The following TPX2 variants were observed in gnomAD, a reference collection of about 807,000 sequenced individuals.
The protein encoded by TPX2 is TPX2 microtubule nucleation factor.
TPX2 carries 21 observed loss-of-function variants against 93.6 expected under a neutral mutation model. The ratio of observed to expected loss-of-function variants is 0.22; its 90% confidence interval spans 0.16 to 0.32. The LOEUF is 0.32. Ranked by LOEUF, TPX2 falls within the 10% of genes least tolerant of loss-of-function variation. The pLI, the probability that TPX2 is intolerant of heterozygous loss-of-function variation, is 1.00. For missense variants in TPX2, 776 were observed against 871.1 expected (o/e 0.89, Z 1.37); for synonymous variants, 281 against 298.3 (o/e 0.94, Z 0.60).
chr20:31,745,328 CTTTTT>C (rs11458149), intron 2 of TPX2, among the ~76,000 whole-genome samples: 2 of 123,254 alleles, frequency 1.6e-5, no homozygotes, highest in Non-Finnish European at 3.3e-5. Flanking sequence ...TAGGTAAACA[CTTTTT>C]TTTTTTTTTT....
intron 2 of TPX2, among the ~76,000 whole-genome samples, chr20:31,744,771 T>C (rs1231937393): frequency 6.6e-6 from 1 of 152,150 alleles, no homozygotes; most frequent in African/African-American, 2.4e-5. Context: ...CTTTTACCAG[T>C]GAAATTGCTG....
intron 11 of TPX2, among the ~76,000 whole-genome samples, 200 bp downstream of exon 11, chr20:31,782,590 G>A (rs1255800454): frequency 6.6e-6 from 1 of 152,000 alleles, no homozygotes; most frequent in Non-Finnish European, 1.5e-5. Flanking sequence ...GTATAAACTG[G>A]TAAAAATTGA....
chr20:31,771,773 G>A, intron 7 of TPX2, 91 bp downstream of exon 7: 1 of 1,439,962 alleles, frequency 6.9e-7, no homozygotes, highest in South Asian at 1.4e-5. Context: ...CTGGAGGTTG[G>A]CAAACTCCTG....
intron 4 of TPX2, among the ~76,000 whole-genome samples, chr20:31,761,403 T>C (rs866160960): frequency 6.6e-6 from 1 of 152,044 alleles, no homozygotes; most frequent in Non-Finnish European, 1.5e-5. Context: ...GGTTTCACCA[T>C]ATTGGCCAGG....
At chr20:31,779,226 A>AAC (rs1006401400) in intron 10 of TPX2, among the ~76,000 whole-genome samples, 1 of 152,234 alleles carries the variant, frequency 6.6e-6, no homozygotes, top group Non-Finnish European at 1.5e-5. Flanking sequence ...GAGTTAAGGT[A>AAC]ACCTGAGATG....
intron 7 of TPX2, among the ~76,000 whole-genome samples, chr20:31,773,057 A>G (rs1217424203): frequency 6.9e-6 from 1 of 144,620 alleles, no homozygotes; most frequent in African/African-American, 2.6e-5. Context: ...GCTCACTGCA[A>G]CCTCCGCCTC....
chr20:31,763,152 A>G (rs920267031), intron 4 of TPX2, among the ~76,000 whole-genome samples: 4 of 151,962 alleles, frequency 2.6e-5, no homozygotes, highest in African/African-American at 9.7e-5. Flanking sequence ...GTTTGGCTAT[A>G]TGGGGTCTTT....
intron 17 of TPX2, among the ~76,000 whole-genome samples, chr20:31,798,890 C>A (rs751112943): frequency 6.6e-6 from 1 of 152,142 alleles, no homozygotes; most frequent in Non-Finnish European, 1.5e-5. Flanking sequence ...GAATTTCTTC[C>A]GGAAGTTTTC....
chr20:31,745,570 C>T (rs1046282578), intron 2 of TPX2, among the ~76,000 whole-genome samples: 2 of 152,136 alleles, frequency 1.3e-5, no homozygotes, highest in African/African-American at 4.8e-5. Flanking sequence ...TCAGGTGATC[C>T]ACCTGCCTTG....
chr20:31,754,978 C>T (rs2061842602), intron 2 of TPX2, among the ~76,000 whole-genome samples: 1 of 152,134 alleles, frequency 6.6e-6, no homozygotes, highest in Admixed American at 6.5e-5. Context: ...GCCGGAGTCT[C>T]GCTCTTGTCA....
At chr20:31,798,656 T>A in intron 17 of TPX2, 104 bp downstream of exon 17, 1 of 1,357,098 alleles carries the variant, frequency 7.4e-7, no homozygotes, top group Non-Finnish European at 9.8e-7. Flanking sequence ...CGCAAGGCTG[T>A]ACCAAAGACA....
intron 7 of TPX2, among the ~76,000 whole-genome samples, chr20:31,775,112 A>G (rs2061987840): frequency 6.6e-6 from 1 of 151,736 alleles, no homozygotes; most frequent in Non-Finnish European, 1.5e-5. Context: ...GGTGCCTGCC[A>G]CTACATCTGG....
chr20:31,780,993 C>A, intron 10 of TPX2: 1 of 388,806 alleles, frequency 2.6e-6, no homozygotes, highest in Non-Finnish European at 5.0e-6. Flanking sequence ...GATCATGGCT[C>A]ACTTCAGTGT....
Position 31,766,668 on chromosome 20 carries a change from A to G in TPX2, c.342A>G (p.Pro114=), listed in dbSNP as rs773708921. ...AGGCAGCCATATCAAGAAAAACTCC[A>G]GCCCAGCCTCAGAGGTAAGACTTTG... ...EVEAAISRKT[P]AQPQRRSLRL... The change falls in exon 5 of 18, where the codon CCA becomes CCG. Residue 114 remains proline, a synonymous_variant. Coordinates refer to ENST00000300403, the MANE Select transcript of TPX2 (RefSeq NM_012112.5). 2 of 1,613,362 alleles carry G rather than the reference A, an allele frequency of 1.2e-6. No homozygotes were observed. The highest frequency in any genetic ancestry group is 2.7e-5 in the African/African-American group (2 of 74,836).
intron 2 of TPX2, among the ~76,000 whole-genome samples, chr20:31,743,497 G>C (rs1159272525): frequency 6.6e-6 from 1 of 152,018 alleles, no homozygotes; most frequent in Non-Finnish European, 1.5e-5. Context: ...ACCAGCCTGG[G>C]CAACATAGTG....
At position 31,801,123 on chromosome 20, in the gene TPX2, C is replaced by A; in HGVS notation, c.*43C>A. The stretch of plus-strand genomic sequence containing the variant: ...GGATACCGCCCGGCAATGGGACCTG[C>A]TCTTAACCTCAAACCTAGGACCGTC... On this transcript the variant is annotated 3_prime_UTR_variant, in exon 18 of 18. Transcript: ENST00000300403. The A allele has an allele frequency of 6.5e-7, 1 of 1,548,662 alleles. No individual in the cohort carries two copies. Among genetic ancestry groups the A allele is most frequent in the Non-Finnish European group, 8.9e-7 (1 of 1,120,360 alleles).
intron 2 of TPX2, among the ~76,000 whole-genome samples, chr20:31,746,207 A>T (rs1272918723): frequency 6.6e-6 from 1 of 152,250 alleles, no homozygotes; most frequent in Non-Finnish European, 1.5e-5. Flanking sequence ...GTTAGCAAAC[A>T]TAAATGTGGA....
At chr20:31,782,935 A>C (rs2062043192) in intron 11 of TPX2, among the ~76,000 whole-genome samples, 1 of 147,270 alleles carries the variant, frequency 6.8e-6, no homozygotes. Flanking sequence ...CACACACAAA[A>C]TCTAATCCAG....
chr20:31,739,965 G>T (rs1171343392), intron 1 of TPX2, among the ~76,000 whole-genome samples: 3 of 152,192 alleles, frequency 2.0e-5, no homozygotes, highest in Non-Finnish European at 2.9e-5. Flanking sequence ...GAGAGTTTAA[G>T]TCCACTTGGA....
Sources: gnomAD v4.1 joint callset for allele counts (sites outside exome capture counted in the v4.1 genomes callset) on GRCh38, gnomAD v4.1.1 for gene constraint, MANE v1.5 for transcripts, NCBI Gene and HGNC (gene_info 2026-07-23, HGNC 2026-07-21) for gene names.